The following CAMTA1 variants were observed in gnomAD, a reference collection of about 807,000 sequenced individuals.
The protein encoded by CAMTA1 is calmodulin binding transcription activator 1.
A neutral mutation model predicts 170.9 loss-of-function variants in CAMTA1; 27 were observed. That is an observed-to-expected ratio of 0.16 (90% CI 0.12 to 0.22). The LOEUF is 0.22. CAMTA1 is among the 10% of genes least tolerant of loss of function. CAMTA1 has a pLI of 1.00. For missense variants in CAMTA1, 1,619 were observed against 2,217.2 expected (o/e 0.73, Z 5.42); for synonymous variants, 833 against 891.5 (o/e 0.93, Z 1.17).
chr1:7,704,916 G>T (rs1267401716), intron 11 of CAMTA1, among the ~76,000 whole-genome samples: 1 of 143,692 alleles, frequency 7.0e-6, no homozygotes, highest in Non-Finnish European at 1.5e-5. Flanking sequence ...GCGGCGCGGG[G>T]CTAGGCGGAG....
intron 5 of CAMTA1, among the ~76,000 whole-genome samples, chr1:7,341,507 A>G (rs59974713): frequency 0.016 from 2,362 of 152,320 alleles, 55 homozygotes; most frequent in African/African-American, 0.052. Context: ...GTAAGGAAGA[A>G]TATGCCAAGC....
At chr1:7,292,161 A>G (rs12754338) in intron 5 of CAMTA1, among the ~76,000 whole-genome samples, 5,968 of 152,318 alleles carry the variant, frequency 0.039, 171 homozygotes, top group Middle Eastern at 0.14. Flanking sequence ...TTTTTAAAAT[A>G]AAATATATGG....
At chr1:6,882,050 G>A (rs1022763132) in intron 3 of CAMTA1, among the ~76,000 whole-genome samples, 1 of 152,178 alleles carries the variant, frequency 6.6e-6, no homozygotes, top group Non-Finnish European at 1.5e-5. Flanking sequence ...GCAGACCACA[G>A]CCCATGGCAG....
intron 6 of CAMTA1, among the ~76,000 whole-genome samples, chr1:7,543,199 C>G (rs2094639353): frequency 1.3e-5 from 2 of 152,176 alleles, no homozygotes; most frequent in African/African-American, 4.8e-5. Flanking sequence ...GCGTAATATC[C>G]CATCTTCTGG....
intron 3 of CAMTA1, among the ~76,000 whole-genome samples, chr1:6,881,725 C>T (rs1348289204): frequency 2.0e-5 from 3 of 152,046 alleles, no homozygotes; most frequent in Non-Finnish European, 2.9e-5. Context: ...CCCAGCACTT[C>T]GGGAGGCCAG....
intron 3 of CAMTA1, among the ~76,000 whole-genome samples, chr1:7,022,620 C>T (rs928553811): frequency 6.6e-6 from 1 of 152,174 alleles, no homozygotes; most frequent in African/African-American, 2.4e-5. Context: ...CTGTTGCCAG[C>T]GCCTCACCTC....
chr1:7,604,799 A>G (rs1297454976), intron 6 of CAMTA1, among the ~76,000 whole-genome samples: 1 of 151,912 alleles, frequency 6.6e-6, no homozygotes, highest in Admixed American at 6.6e-5. Context: ...TTTTTTACCC[A>G]TCTTTGTGGT....
chr1:7,258,875 C>T (rs763914440), intron 5 of CAMTA1, among the ~76,000 whole-genome samples: 2 of 152,062 alleles, frequency 1.3e-5, no homozygotes, highest in African/African-American at 2.4e-5. Context: ...CTTTAGTTGG[C>T]GTGGATTAGG....
chr1:7,540,267 C>T (rs902441827), intron 6 of CAMTA1, among the ~76,000 whole-genome samples: 4 of 152,080 alleles, frequency 2.6e-5, no homozygotes, highest in Non-Finnish European at 4.4e-5. Flanking sequence ...ATGGAAGACA[C>T]GTAGGAATTC....
intron 11 of CAMTA1, among the ~76,000 whole-genome samples, chr1:7,705,366 G>A (rs926866334): frequency 4.6e-5 from 7 of 151,482 alleles, no homozygotes; most frequent in Non-Finnish European, 1.0e-4. Flanking sequence ...GGGCGTGAGG[G>A]GCGCGCGTGT....
At chr1:6,888,107 C>A in intron 3 of CAMTA1, 1 of 988,446 alleles carries the variant, frequency 1.0e-6, no homozygotes, top group Non-Finnish European at 1.2e-6. Flanking sequence ...ATGGAAGCTC[C>A]ATGAGAGCAG....
chr1:7,200,576 C>T (rs752089869), intron 4 of CAMTA1, among the ~76,000 whole-genome samples: 47 of 152,116 alleles, frequency 3.1e-4, no homozygotes, highest in Non-Finnish European at 4.9e-4. Context: ...ACATTTTTGA[C>T]GAGTACAGGC....
In CAMTA1 at chr1:6,825,215, A is replaced by T. The variant is rs547105933; in HGVS notation, c.234+5A>T. 572 of 1,529,674 alleles carry T rather than the reference A, an allele frequency of 3.7e-4. 7 individuals are homozygous for T. In the South Asian group the frequency reaches 6.4e-3, roughly 17 times the overall value. The allele number at this position is 1,529,674 out of a possible 1,614,324, so 94.8% of individuals were successfully genotyped here. On this transcript the variant is annotated splice_donor_5th_base_variant and intron_variant, in intron 3 of 22. Coordinates refer to ENST00000303635, the MANE Select transcript of CAMTA1 (RefSeq NM_015215.4). Reference sequence around the variant, plus strand: ...CACCGCTGGAACACTAATGAGGTAGATAAGTTTCTTTTTTTAAGGGTATAA... The same window carrying T: ...CACCGCTGGAACACTAATGAGGTAGTTAAGTTTCTTTTTTTAAGGGTATAA...
At chr1:7,473,053 G>A (rs138322156) in intron 6 of CAMTA1, among the ~76,000 whole-genome samples, 2 of 152,302 alleles carry the variant, frequency 1.3e-5, no homozygotes, top group African/African-American at 4.8e-5. Context: ...TCTGAAACCA[G>A]GTTCACAGGG....
intron 6 of CAMTA1, among the ~76,000 whole-genome samples, chr1:7,471,660 G>A (rs1289203399): frequency 6.6e-6 from 1 of 152,264 alleles, no homozygotes; most frequent in African/African-American, 2.4e-5. Context: ...CCGTTCTCCC[G>A]ATGCCTTGGC....
At position 6,887,881 on chromosome 1, in the gene CAMTA1, G is replaced by A; in HGVS notation, c.234+62671G>A. ...GTTACTAAAAATGAAATAGAATAAA[G>A]TGACCTACTCTTGCCTCATCCGGAG... On this transcript the variant is annotated intron_variant, in intron 3 of 22. Transcript: ENST00000303635. This position sits in a 1 kb window ranked among gnomAD's most constrained non-coding sequence, Gnocchi z 4.1. The A allele has an allele frequency of 7.1e-7, 1 of 1,407,972 alleles. No homozygotes were observed. Among genetic ancestry groups the A allele is most frequent in the Non-Finnish European group, 9.3e-7 (1 of 1,080,930 alleles). The allele number at this position is 1,407,972 out of a possible 1,614,324, so 87.2% of individuals were successfully genotyped here.
intron 3 of CAMTA1, among the ~76,000 whole-genome samples, chr1:6,961,312 G>T (rs1268316617): frequency 6.6e-6 from 1 of 152,212 alleles, no homozygotes; most frequent in Non-Finnish European, 1.5e-5. Flanking sequence ...GCTTTGGGGA[G>T]GCCAGAGGGA....
intron 3 of CAMTA1, among the ~76,000 whole-genome samples, chr1:7,061,065 C>T (rs1708128056): frequency 6.6e-6 from 1 of 152,194 alleles, no homozygotes; most frequent in Non-Finnish European, 1.5e-5. Context: ...ATCTGACAGA[C>T]TCACCATCTG....
chr1:6,837,341 T>G (rs1328186950), intron 3 of CAMTA1, among the ~76,000 whole-genome samples: 1 of 152,072 alleles, frequency 6.6e-6, no homozygotes, highest in Non-Finnish European at 1.5e-5. Context: ...TACTTTGTGT[T>G]GGGGAGTGGA....
Sources: gnomAD v4.1 joint callset for allele counts (sites outside exome capture counted in the v4.1 genomes callset) on GRCh38, gnomAD v4.1.1 for gene constraint, Gnocchi (gnomAD v3.1) non-coding constraint, MANE v1.5 for transcripts, NCBI Gene and HGNC (gene_info 2026-07-23, HGNC 2026-07-21) for gene names.